The following MAGI1 variants were observed in gnomAD, a reference collection of about 807,000 sequenced individuals.
The protein encoded by MAGI1 is membrane associated guanylate kinase, WW and PDZ domain containing 1.
MAGI1 carries 58 observed loss-of-function variants against 139.9 expected under a neutral mutation model. The observed-to-expected ratio is 0.41, with a 90% CI of 0.34 to 0.52. MAGI1 has a LOEUF of 0.52. Among genes scored for constraint, MAGI1 ranks in the 20% least tolerant of loss-of-function variants. The pLI, the probability that MAGI1 is intolerant of heterozygous loss-of-function variation, is 0.12. For missense variants in MAGI1, 1,874 were observed against 1,901.6 expected, an observed-to-expected ratio of 0.99 and a Z score of 0.27; for synonymous variants, 812 against 737.9, an observed-to-expected ratio of 1.10 and a Z score of -1.63.
At chr3:66,032,612 G>A (rs1250295461) in intron 1 of MAGI1, among the ~76,000 whole-genome samples, 1 of 151,574 alleles carries the variant, frequency 6.6e-6, no homozygotes, top group African/African-American at 2.4e-5. Context: ...CATGGGAGGG[G>A]AAACAGACAA....
chr3:65,366,431 A>C (rs1184179496), intron 18 of MAGI1, among the ~76,000 whole-genome samples: 1 of 152,198 alleles, frequency 6.6e-6, no homozygotes, highest in Non-Finnish European at 1.5e-5. Flanking sequence ...AATGTTTCCC[A>C]AAATCTGTTT....
chr3:65,975,653 TTAAAAA>T (rs2065231513), intron 1 of MAGI1, among the ~76,000 whole-genome samples: 1 of 151,874 alleles, frequency 6.6e-6, no homozygotes, highest in African/African-American at 2.4e-5. Context: ...TAGATAAAAA[TTAAAAA>T]TAAAATAAAA....
intron 1 of MAGI1, among the ~76,000 whole-genome samples, chr3:65,786,881 C>G (rs1430976116): frequency 6.6e-6 from 1 of 152,154 alleles, no homozygotes; most frequent in Non-Finnish European, 1.5e-5. Context: ...TCCCAAAGTA[C>G]TGGGATTACA....
chr3:66,020,937 G>A (rs1032303073), intron 1 of MAGI1, among the ~76,000 whole-genome samples: 4 of 151,992 alleles, frequency 2.6e-5, no homozygotes, highest in Admixed American at 1.3e-4. Flanking sequence ...AACTGTCATC[G>A]GTAAATGTAC....
intron 1 of MAGI1, among the ~76,000 whole-genome samples, chr3:65,851,163 T>C (rs1174399282): frequency 6.6e-6 from 1 of 152,164 alleles, no homozygotes; most frequent in African/African-American, 2.4e-5. Context: ...CACTGCTGTA[T>C]GCCTGGTACC....
chr3:65,974,596 C>G lies in MAGI1; in HGVS notation c.313+63400G>C, dbSNP rs149288730. On this transcript the variant is annotated intron_variant, in intron 1 of 22. Coordinates refer to ENST00000402939, the MANE Select transcript of MAGI1 (RefSeq NM_001033057.2). ...CTGGCCTAGCTGGGTGGTTCTGGCT[C>G]AACATCTCTCACACCTCTGCAGTGT... 2.9e-3 allele frequency among the ~76,000 whole-genome samples: 443 copies of G among 152,214 alleles called. 3 individuals are homozygous for G. Among genetic ancestry groups the G allele is most frequent in the African/African-American group, 0.01 (430 of 41,534 alleles).
intron 1 of MAGI1, among the ~76,000 whole-genome samples, chr3:65,797,609 G>C (rs1174091510): frequency 6.6e-6 from 1 of 152,006 alleles, no homozygotes; most frequent in African/African-American, 2.4e-5. Context: ...CCAGCTACCT[G>C]GGAGACTGAG....
At chr3:65,478,125 C>T (rs1209491069) in intron 4 of MAGI1, among the ~76,000 whole-genome samples, 2 of 152,016 alleles carry the variant, frequency 1.3e-5, no homozygotes, top group African/African-American at 2.4e-5. Flanking sequence ...TATATCTCTG[C>T]TTTCAAAGAT....
At chr3:65,778,470 G>A (rs1340617237) in intron 1 of MAGI1, among the ~76,000 whole-genome samples, 7 of 143,852 alleles carry the variant, frequency 4.9e-5, no homozygotes, top group Non-Finnish European at 1.1e-4. Flanking sequence ...TTTGAGAAAT[G>A]CAGGAAGGGT....
intron 1 of MAGI1, among the ~76,000 whole-genome samples, chr3:65,682,813 A>C (rs572126984): frequency 3.0e-4 from 46 of 152,286 alleles, no homozygotes; most frequent in African/African-American, 1.1e-3. Context: ...AACAGGCAGA[A>C]CACAGAGGAT....
At chr3:65,507,788 T>A (rs2107731512) in intron 2 of MAGI1, among the ~76,000 whole-genome samples, 1 of 152,346 alleles carries the variant, frequency 6.6e-6, no homozygotes, top group South Asian at 2.1e-4. Context: ...TGGCTACAAC[T>A]ATAGCTCATT....
chr3:65,762,161 G>A (rs375698991), intron 1 of MAGI1, among the ~76,000 whole-genome samples: 7 of 152,060 alleles, frequency 4.6e-5, no homozygotes, highest in African/African-American at 1.2e-4. Flanking sequence ...AGCACCCAGC[G>A]CCTGCCAGGA....
chr3:65,858,399 A>G (rs564613230), intron 1 of MAGI1, among the ~76,000 whole-genome samples: 142 of 152,352 alleles, frequency 9.3e-4, no homozygotes, highest in African/African-American at 3.3e-3. Flanking sequence ...TGGAGACAAC[A>G]CATCAATGGG....
chr3:65,685,793 G>T (rs1429709795), intron 1 of MAGI1, among the ~76,000 whole-genome samples: 1 of 152,164 alleles, frequency 6.6e-6, no homozygotes. Flanking sequence ...AGTCCTGGAA[G>T]AATGCCAGTG....
intron 1 of MAGI1, among the ~76,000 whole-genome samples, chr3:65,805,916 A>G (rs2040826454): frequency 6.6e-6 from 1 of 152,134 alleles, no homozygotes; most frequent in African/African-American, 2.4e-5. Flanking sequence ...GGAGGGGAAT[A>G]ACACACACTG....
intron 1 of MAGI1, among the ~76,000 whole-genome samples, chr3:65,704,802 A>G (rs768492303): frequency 3.3e-5 from 5 of 151,714 alleles, no homozygotes; most frequent in Non-Finnish European, 1.5e-5. Context: ...GGTGAGCTAA[A>G]TCTCTCTCCT....
chr3:65,591,823 G>C (rs569617935), intron 2 of MAGI1, among the ~76,000 whole-genome samples: 3 of 152,212 alleles, frequency 2.0e-5, no homozygotes, highest in African/African-American at 7.2e-5. Flanking sequence ...ACCCAGTTAT[G>C]CACATGGCTC....
intron 1 of MAGI1, among the ~76,000 whole-genome samples, chr3:65,811,551 A>G (rs573297781): frequency 6.6e-6 from 1 of 152,300 alleles, no homozygotes; most frequent in Admixed American, 6.5e-5. Context: ...ATGTGGAGCT[A>G]TGACTGAGAG....
chr3:65,518,768 C>CAA (rs35356118), intron 2 of MAGI1, among the ~76,000 whole-genome samples: 79 of 150,000 alleles, frequency 5.3e-4, no homozygotes, highest in Middle Eastern at 6.9e-3. Context: ...GTAGATGCAG[C>CAA]AAAAAAAAAA....
Sources: allele counts gnomAD v4.1 joint callset (sites outside exome capture counted in the v4.1 genomes callset), GRCh38; gene constraint gnomAD v4.1.1; transcripts MANE v1.5; gene names NCBI Gene and HGNC (gene_info 2026-07-23, HGNC 2026-07-21).